SCAPER: variants seen among roughly 807,000 people sequenced by gnomAD.
SCAPER encodes S-phase cyclin A associated protein in the ER.
In SCAPER, 98 loss-of-function variants were observed where a neutral mutation model predicts 182.2. That is an observed-to-expected ratio of 0.54 (90% CI 0.46 to 0.64). The LOEUF is 0.64. Among genes scored for constraint, SCAPER ranks in the 30% least tolerant of loss-of-function variants. The pLI is 0.00. For missense variants in SCAPER, 1,432 were observed against 1,690.0 expected, an observed-to-expected ratio of 0.85 and a Z score of 2.68; for synonymous variants, 605 against 564.6, an observed-to-expected ratio of 1.07 and a Z score of -1.01.
intron 23 of SCAPER, among the ~76,000 whole-genome samples, chr15:76,572,614 C>A (rs1025256835): frequency 3.9e-5 from 6 of 152,178 alleles, no homozygotes; most frequent in South Asian, 4.1e-4. Context: ...AGGCATATGC[C>A]CTAGAGTAGA....
At chr15:76,558,299 C>A (rs1232011515) in intron 23 of SCAPER, among the ~76,000 whole-genome samples, 2 of 151,944 alleles carry the variant, frequency 1.3e-5, no homozygotes, top group Non-Finnish European at 2.9e-5. Flanking sequence ...AACAAATTAA[C>A]AAACAAAAAA....
At chr15:76,355,121 C>G (rs558242744) in intron 29 of SCAPER, among the ~76,000 whole-genome samples, 1 of 152,188 alleles carries the variant, frequency 6.6e-6, no homozygotes, top group African/African-American at 2.4e-5. Flanking sequence ...AATGAAACAG[C>G]AGAGGCAGGA....
chr15:76,579,443 T>C lies in SCAPER; in HGVS notation c.2712-5159A>G, dbSNP rs1456512135. Among the ~76,000 whole-genome samples, 3 of 151,672 alleles carry C rather than the reference T, an allele frequency of 2.0e-5. 1 individual carries two copies. The highest frequency in any genetic ancestry group is 4.4e-5 in the Non-Finnish European group (3 of 67,938). On this transcript the variant is annotated intron_variant, in intron 22 of 31. Coordinates refer to ENST00000563290, the MANE Select transcript of SCAPER (RefSeq NM_020843.4). The stretch of plus-strand genomic sequence containing the variant: ...TTATTTAGTTTTTTTATGCAAGTAG[T>C]GTTAAGTTGTCATCAGTTTAAAATA...
chr15:76,796,212 T>G (rs998188245), intron 7 of SCAPER, among the ~76,000 whole-genome samples: 2 of 152,184 alleles, frequency 1.3e-5, no homozygotes, highest in Admixed American at 6.5e-5. Context: ...TCCTTTAAAG[T>G]GGAGTGAAAA....
intron 23 of SCAPER, among the ~76,000 whole-genome samples, chr15:76,565,058 AAAAAC>A (rs2046937164): frequency 6.6e-6 from 1 of 152,204 alleles, no homozygotes; most frequent in Non-Finnish European, 1.5e-5. Flanking sequence ...ATCCGAAACT[AAAAAC>A]CCTGGAAGAC....
chr15:76,847,808 C>T (rs1040288736), intron 4 of SCAPER, among the ~76,000 whole-genome samples: 4 of 152,076 alleles, frequency 2.6e-5, no homozygotes, highest in Non-Finnish European at 4.4e-5. Context: ...GTAGTCCCAG[C>T]CACTCAGGAG....
At chr15:76,389,270 G>A (rs946795801) in intron 27 of SCAPER, among the ~76,000 whole-genome samples, 2 of 151,890 alleles carry the variant, frequency 1.3e-5, no homozygotes, top group African/African-American at 2.4e-5. Flanking sequence ...GGAGGCTGAG[G>A]TGGGCGGATC....
chr15:76,442,074 G>GAT (rs1203495273), intron 25 of SCAPER, among the ~76,000 whole-genome samples: 1 of 151,932 alleles, frequency 6.6e-6, no homozygotes, highest in Non-Finnish European at 1.5e-5. Flanking sequence ...TATAGATATA[G>GAT]ATATATATAG....
intron 16 of SCAPER, among the ~76,000 whole-genome samples, chr15:76,729,281 CAT>C (rs146261869): frequency 0.14 from 19,263 of 141,168 alleles, 1,264 homozygotes; most frequent in African/African-American, 0.17. Flanking sequence ...CACACACACA[CAT>C]ATATATACAC....
chr15:76,904,450 A>C (rs745887355), intron 1 of SCAPER, among the ~76,000 whole-genome samples: 1 of 152,208 alleles, frequency 6.6e-6, no homozygotes, highest in African/African-American at 2.4e-5. Flanking sequence ...TGTCACAACT[A>C]GAATAAGAGA....
chr15:76,546,222 A>G (rs1197566539), intron 23 of SCAPER, among the ~76,000 whole-genome samples: 1 of 152,204 alleles, frequency 6.6e-6, no homozygotes, highest in African/African-American at 2.4e-5. Context: ...AAATGATGAA[A>G]ATATAAGACC....
chr15:76,759,438 C>T (rs547966490), intron 14 of SCAPER, among the ~76,000 whole-genome samples: 4 of 152,152 alleles, frequency 2.6e-5, no homozygotes, highest in African/African-American at 9.7e-5. Flanking sequence ...TTTTATAAGG[C>T]ACCCACTCCT....
Position 76,504,937 on chromosome 15 carries a change from C to G in SCAPER, c.2876G>C (p.Gly959Ala). ...ADQIAFQAAGGLTALEHILQA... is the reference protein window; with the variant it reads ...ADQIAFQAAGALTALEHILQA... ...AAGGATGTGTTCAAGGGCTGTTAAT[C>G]CACCAGCAGCTTGAAATGCAATCTG... The change falls in exon 24 of 32, where the codon GGA becomes GCA. Residue 959 changes from glycine (G) to alanine (A), a missense_variant. Transcript: ENST00000563290. 1.2e-6 allele frequency: 2 copies of G among 1,612,776 alleles called. No homozygotes were observed. Among genetic ancestry groups the G allele is most frequent in the Non-Finnish European group, 1.7e-6 (2 of 1,179,492 alleles).
intron 20 of SCAPER, among the ~76,000 whole-genome samples, chr15:76,699,968 T>A (rs1359516657): frequency 6.6e-6 from 1 of 152,170 alleles, no homozygotes; most frequent in Non-Finnish European, 1.5e-5. Flanking sequence ...GGGGAGAGGC[T>A]GTGGGTAGTT....
intron 20 of SCAPER, among the ~76,000 whole-genome samples, chr15:76,698,662 T>G (rs578223940): frequency 6.6e-6 from 1 of 152,172 alleles, no homozygotes; most frequent in South Asian, 2.1e-4. Context: ...GAATTTGAAG[T>G]TTAGAGCCAT....
At chr15:76,454,308 T>C (rs1406016178) in intron 25 of SCAPER, among the ~76,000 whole-genome samples, 4 of 152,238 alleles carry the variant, frequency 2.6e-5, no homozygotes, top group Non-Finnish European at 5.9e-5. Context: ...AGAGATATTG[T>C]ATTTGACCGC....
chr15:76,588,000 C>A (rs1434686910), intron 22 of SCAPER, among the ~76,000 whole-genome samples: 1 of 152,016 alleles, frequency 6.6e-6, no homozygotes, highest in Non-Finnish European at 1.5e-5. Flanking sequence ...CAGCTCACTG[C>A]AAGCTCTGCC....
chr15:76,490,174 G>A (rs1458957869), intron 24 of SCAPER, among the ~76,000 whole-genome samples: 1 of 152,190 alleles, frequency 6.6e-6, no homozygotes, highest in Non-Finnish European at 1.5e-5. Context: ...AAATGAGAAT[G>A]CTGGGTCATA....
intron 22 of SCAPER, among the ~76,000 whole-genome samples, chr15:76,606,122 A>G (rs953642661): frequency 2.6e-5 from 4 of 152,098 alleles, no homozygotes; most frequent in African/African-American, 9.7e-5. Context: ...TAGGGTGTCA[A>G]TTTTAGATCT....
Sources: gnomAD v4.1 joint callset for allele counts (sites outside exome capture counted in the v4.1 genomes callset) on GRCh38, gnomAD v4.1.1 for gene constraint, MANE v1.5 for transcripts, NCBI Gene and HGNC (gene_info 2026-07-23, HGNC 2026-07-21) for gene names.